The following ABLIM2 variants were observed in gnomAD, a reference collection of about 807,000 sequenced individuals.
ABLIM2 encodes actin-binding LIM protein 2.
ABLIM2 carries 53 observed loss-of-function variants against 97.7 expected under a neutral mutation model. That is an observed-to-expected ratio of 0.54 (90% CI 0.44 to 0.68). ABLIM2 has a LOEUF of 0.68. ABLIM2 is among the 30% of genes least tolerant of loss of function. The pLI is 0.00. For missense variants in ABLIM2, 835 were observed against 867.2 expected, an observed-to-expected ratio of 0.96 and a Z score of 0.47; for synonymous variants, 361 against 345.8, an observed-to-expected ratio of 1.04 and a Z score of -0.49.
intron 11 of ABLIM2, among the ~76,000 whole-genome samples, 162 bp downstream of exon 11, chr4:8,029,494 T>G (rs1356357799): frequency 1.3e-5 from 2 of 150,520 alleles, no homozygotes; most frequent in Middle Eastern, 3.4e-3. Flanking sequence ...AATGAACAGG[T>G]TCTCAGCCAC....
intron 18 of ABLIM2, 128 bp from the exon 19 acceptor site, chr4:7,983,682 C>T (rs765671252): frequency 2.0e-5 from 23 of 1,143,182 alleles, no homozygotes; most frequent in Admixed American, 4.0e-5. Context: ...CATGCATGGT[C>T]CCCGAGCAGC....
rs1057186464 is a variant in ABLIM2 at position 8,155,443 on chromosome 4, C to G, written c.10+3237G>C. 1.3e-5 allele frequency among the ~76,000 whole-genome samples: 2 copies of G among 152,184 alleles called. No homozygotes were observed. Among genetic ancestry groups the G allele is most frequent in the East Asian group, 3.9e-4 (2 of 5,194 alleles). On this transcript the variant is annotated intron_variant, in intron 1 of 20. Coordinates refer to ENST00000447017, the MANE Select transcript of ABLIM2 (RefSeq NM_001130083.2). The surrounding 1 kb of genome is among the most constrained non-coding windows in gnomAD (Gnocchi z 4.2). ...TTCCTTCCCTAAACCTTGGTTTCCCCCTTTGTGCAGGTGGGTGGGTTTGGG... is the reference window on the plus strand; with the variant it reads ...TTCCTTCCCTAAACCTTGGTTTCCCGCTTTGTGCAGGTGGGTGGGTTTGGG...
In ABLIM2 at chr4:8,132,397, C is replaced by G. The variant is rs868864728; in HGVS notation, c.11-25760G>C. Among the ~76,000 whole-genome samples, 1 of 152,130 alleles carries G rather than the reference C, an allele frequency of 6.6e-6. No individual in the cohort carries two copies. Among genetic ancestry groups the G allele is most frequent in the Non-Finnish European group, 1.5e-5 (1 of 68,032 alleles). ...GAGAGATTTTCACTGAGACTTAAAG[C>G]GAGGAAGACACCAGTGCTTTTTCAG... is the stretch of plus-strand genomic sequence containing the variant. On this transcript the variant is annotated intron_variant, in intron 1 of 20. Coordinates refer to ENST00000447017, the MANE Select transcript of ABLIM2 (RefSeq NM_001130083.2). This position sits in a 1 kb window ranked among gnomAD's most constrained non-coding sequence, Gnocchi z 8.0.
chr4:7,983,681 T>C, intron 18 of ABLIM2, 127 bp from the exon 19 acceptor site: 1 of 1,167,032 alleles, frequency 8.6e-7, no homozygotes, highest in Non-Finnish European at 1.3e-6. Flanking sequence ...CCATGCATGG[T>C]CCCCGAGCAG....
intron 8 of ABLIM2, among the ~76,000 whole-genome samples, chr4:8,049,320 G>C (rs1168925444): frequency 2.0e-5 from 3 of 152,240 alleles, no homozygotes; most frequent in Non-Finnish European, 4.4e-5. Context: ...GGACAGGGCA[G>C]CTAGGACCAC....
At chr4:8,024,407 C>T (rs115295638) in intron 12 of ABLIM2, among the ~76,000 whole-genome samples, 2,386 of 152,146 alleles carry the variant, frequency 0.016, 65 homozygotes, top group African/African-American at 0.054. Flanking sequence ...TGCCAGCATT[C>T]GGTGGGGGGT....
rs1027370794 is a variant in ABLIM2 at position 8,155,961 on chromosome 4, G to A, written c.10+2719C>T. Among the ~76,000 whole-genome samples the A allele has an allele frequency of 6.6e-6, 1 of 152,142 alleles. No homozygotes were observed. The highest frequency in any genetic ancestry group is 1.5e-5 in the Non-Finnish European group (1 of 68,018). ...GCTGACACCTTGATCTCAGACTTCTGGCCTCTAGAATCAGCAAAAAAATAA... is the reference window on the plus strand; with the variant it reads ...GCTGACACCTTGATCTCAGACTTCTAGCCTCTAGAATCAGCAAAAAAATAA... On this transcript the variant is annotated intron_variant, in intron 1 of 20. Transcript: ENST00000447017. This position sits in a 1 kb window ranked among gnomAD's most constrained non-coding sequence, Gnocchi z 4.2.
Position 8,155,394 on chromosome 4 carries a change from C to T in ABLIM2, c.10+3286G>A, listed in dbSNP as rs1714978309. On this transcript the variant is annotated intron_variant, in intron 1 of 20. Coordinates refer to ENST00000447017, the MANE Select transcript of ABLIM2 (RefSeq NM_001130083.2). The surrounding 1 kb of genome is among the most constrained non-coding windows in gnomAD (Gnocchi z 4.2). Reference sequence around the variant, plus strand: ...TCAGGTTCGGGCTCTGCCACATCCTCTCCTTGGCCCTGGACAGCTGCTTTT... The same window carrying T: ...TCAGGTTCGGGCTCTGCCACATCCTTTCCTTGGCCCTGGACAGCTGCTTTT... Among the ~76,000 whole-genome samples the T allele has an allele frequency of 6.6e-6, 1 of 152,226 alleles. No homozygotes were observed. Among genetic ancestry groups the T allele is most frequent in the African/African-American group, 2.4e-5 (1 of 41,454 alleles).
chr4:8,010,474 C>G (rs1037086673), intron 14 of ABLIM2: 7 of 985,762 alleles, frequency 7.1e-6, no homozygotes, highest in African/African-American at 3.5e-5. Context: ...TTTGCCGTAC[C>G]CTGCCTCCTG....
At position 8,044,540 on chromosome 4, in the gene ABLIM2, C is replaced by T. The variant is rs977828187; in HGVS notation, c.900+624G>A. 5.9e-5 allele frequency among the ~76,000 whole-genome samples: 9 copies of T among 151,794 alleles called. No homozygotes were observed. The East Asian group carries it at 1.2e-3, about 20-fold the overall frequency. Reference sequence around the variant, plus strand: ...TATTAAATAGAATAATCTCCCATCTCGAATCCCACCACCCAGAGGAAATTT... The same window carrying T: ...TATTAAATAGAATAATCTCCCATCTTGAATCCCACCACCCAGAGGAAATTT... On this transcript the variant is annotated intron_variant, in intron 9 of 20. Coordinates refer to ENST00000447017, the MANE Select transcript of ABLIM2 (RefSeq NM_001130083.2). This position sits in a 1 kb window ranked among gnomAD's most constrained non-coding sequence, Gnocchi z 4.4.
At position 8,036,279 on chromosome 4, in the gene ABLIM2, T is replaced by A; in HGVS notation, c.917A>T (p.Glu306Val). 1 of 1,613,776 alleles carries A rather than the reference T, an allele frequency of 6.2e-7. No homozygotes were observed. Among genetic ancestry groups the A allele is most frequent in the Non-Finnish European group, 8.5e-7 (1 of 1,179,766 alleles). ...TGCCAAGTCCCTGTAGTCCAGGATC[T>A]CACCACCAAGCTTGGCCTGAGAGGG... ...SRVIYAKLGG[E>V]ILDYRDLAAL... Residue 306 changes from glutamate to valine, a missense_variant, in exon 10 of 21, where the codon GAG (glutamate) becomes GTG (valine). Physicochemically the swap from Glu to Val is moderately radical, Grantham distance 121. Transcript: ENST00000447017.
At position 8,045,164 on chromosome 4, in the gene ABLIM2, A is replaced by G. The variant is rs1791494730; in HGVS notation, c.900T>C (p.Tyr300=). 1 of 1,613,668 alleles carries G rather than the reference A, an allele frequency of 6.2e-7. No individual in the cohort carries two copies. ...TCCCCATAAAAAGGCCCTGACTTAC[A>G]TAAATCACACGGCTCGGAGACCCTG... The part of the protein sequence containing the change: ...STSGSPSRVI[Y]AKLGGEILDY... The change falls in exon 9 of 21, where the codon TAT becomes TAC. Residue 300 remains tyrosine (Y), a splice_region_variant and synonymous_variant. Coordinates refer to ENST00000447017, the MANE Select transcript of ABLIM2 (RefSeq NM_001130083.2).
intron 12 of ABLIM2, among the ~76,000 whole-genome samples, chr4:8,025,050 C>T (rs1448977858): frequency 6.6e-6 from 1 of 152,220 alleles, no homozygotes; most frequent in Admixed American, 6.5e-5. Context: ...CCGCCTCAGC[C>T]TCCCTAATAG....
chr4:7,975,181 G>T (rs1026297498), intron 20 of ABLIM2, among the ~76,000 whole-genome samples: 2 of 152,178 alleles, frequency 1.3e-5, no homozygotes, highest in Non-Finnish European at 2.9e-5. Flanking sequence ...CTGTGCCACT[G>T]CACTCCACCC....
chr4:8,127,724 T>A lies in ABLIM2; in HGVS notation c.11-21087A>T. ...CAAGGTCACGTGGCAGCTGCCACCC[T>A]CTGCCCGGGGAGGGGCAGAGCCAAG... is the stretch of plus-strand genomic sequence containing the variant. On this transcript the variant is annotated intron_variant, in intron 1 of 20. Coordinates refer to ENST00000447017, the MANE Select transcript of ABLIM2 (RefSeq NM_001130083.2). The surrounding 1 kb of genome is among the most constrained non-coding windows in gnomAD (Gnocchi z 7.3). 1 of 985,050 alleles carries A rather than the reference T, an allele frequency of 1.0e-6. No individual in the cohort carries two copies. The highest frequency in any genetic ancestry group is 1.2e-6 in the Non-Finnish European group (1 of 829,722). 61.0% of individuals were successfully genotyped at this position (985,050 alleles called of 1,614,324 possible).
chr4:7,967,822 G>C (rs1284135580), intron 20 of ABLIM2, among the ~76,000 whole-genome samples: 1 of 152,234 alleles, frequency 6.6e-6, no homozygotes, highest in African/African-American at 2.4e-5. Context: ...CCACACCCTG[G>C]AGCTGTGGGG....
rs1459582445 is a variant in ABLIM2, at chr4:8,002,445, C to T, written c.1618+5614G>A. 6.6e-6 allele frequency among the ~76,000 whole-genome samples: 1 copy of T among 152,228 alleles called. No individual in the cohort carries two copies. Among genetic ancestry groups the T allele is most frequent in the Non-Finnish European group, 1.5e-5 (1 of 68,042 alleles). On this transcript the variant is annotated intron_variant, in intron 16 of 20. Coordinates refer to ENST00000447017, the MANE Select transcript of ABLIM2 (RefSeq NM_001130083.2). The surrounding 1 kb of genome is among the most constrained non-coding windows in gnomAD (Gnocchi z 6.1). The stretch of plus-strand genomic sequence containing the variant: ...TTTGTGGGAGCCCTTTTCCTCTCGC[C>T]CTGACTGGGCAGCCTCCAGTCCACC...
At position 8,085,372 on chromosome 4, in the gene ABLIM2, G is replaced by T. The variant is rs954063218; in HGVS notation, c.454+2797C>A. 6.6e-6 allele frequency among the ~76,000 whole-genome samples: 1 copy of T among 152,144 alleles called. No homozygotes were observed. On this transcript the variant is annotated intron_variant, in intron 4 of 20. Transcript: ENST00000447017. The surrounding 1 kb of genome is among the most constrained non-coding windows in gnomAD (Gnocchi z 6.1). ...GCTCCTCACGGCCTCCAGATGTACC[G>T]AGAACACCACGGCGTGGCTTTGGAG...
intron 9 of ABLIM2, among the ~76,000 whole-genome samples, chr4:8,037,964 G>A (rs147197684): frequency 6.6e-5 from 10 of 152,304 alleles, no homozygotes; most frequent in South Asian, 2.1e-4. Flanking sequence ...CACTGTGCAC[G>A]TGCTCTTGCC....
Sources: gnomAD v4.1 joint callset for allele counts (sites outside exome capture counted in the v4.1 genomes callset) on GRCh38, gnomAD v4.1.1 for gene constraint, Gnocchi (gnomAD v3.1) non-coding constraint, MANE v1.5 for transcripts, NCBI Gene and HGNC (gene_info 2026-07-23, HGNC 2026-07-21) for gene names.